Variants in CSMD1 observed in about 807,000 individuals in gnomAD.
CSMD1 encodes the protein CUB and Sushi multiple domains 1.
A neutral mutation model predicts 417.5 loss-of-function variants in CSMD1; 213 were observed. The ratio of observed to expected loss-of-function variants is 0.51; its 90% confidence interval spans 0.46 to 0.57. The LOEUF is 0.57. CSMD1 is among the 20% of genes least tolerant of loss of function. The pLI, the probability that CSMD1 is intolerant of heterozygous loss-of-function variation, is 0.00. For synonymous variants in CSMD1, 2,862 were observed against 1,736.8 expected (o/e 1.65, Z -16.11); for missense variants, 6,923 against 4,529.7 (o/e 1.53, Z -15.17).
At chr8:3,964,420 A>T (rs1191315597) in intron 5 of CSMD1, among the ~76,000 whole-genome samples, 1 of 152,058 alleles carries the variant, frequency 6.6e-6, no homozygotes, top group African/African-American at 2.4e-5. Flanking sequence ...CTGTTTTTTG[A>T]CTGAGGCCTT....
chr8:3,852,401 A>T (rs1312774398), intron 5 of CSMD1, among the ~76,000 whole-genome samples: 1 of 152,180 alleles, frequency 6.6e-6, no homozygotes, highest in African/African-American at 2.4e-5. Context: ...GAGCATGTAC[A>T]GTGAACCACA....
intron 11 of CSMD1, among the ~76,000 whole-genome samples, chr8:3,491,537 T>C (rs895509765): frequency 2.0e-4 from 31 of 152,142 alleles, no homozygotes; most frequent in Non-Finnish European, 4.3e-4. Flanking sequence ...TTAGTAATAG[T>C]TGGAATGGGC....
intron 3 of CSMD1, among the ~76,000 whole-genome samples, chr8:4,270,821 A>T (rs1585132321): frequency 6.6e-6 from 1 of 152,112 alleles, no homozygotes; most frequent in Non-Finnish European, 1.5e-5. Context: ...CCTGCCGCCC[A>T]CCACACTCCG....
chr8:4,054,139 T>C (rs965853631), intron 3 of CSMD1, among the ~76,000 whole-genome samples: 1 of 152,118 alleles, frequency 6.6e-6, no homozygotes, highest in Non-Finnish European at 1.5e-5. Flanking sequence ...CTTTTTTCTA[T>C]GTAAGTACAG....
rs768302058 is a variant in CSMD1, at chr8:4,419,956, C to T, written c.412G>A (p.Glu138Lys). The T allele has an allele frequency of 6.4e-7, 1 of 1,565,880 alleles. No individual in the cohort carries two copies. Among genetic ancestry groups the T allele is most frequent in the Non-Finnish European group, 8.7e-7 (1 of 1,151,144 alleles). Residue 138 changes from glutamate (E) to lysine (K), a missense_variant, in exon 3 of 70, where the codon GAA becomes AAA. Coordinates refer to ENST00000635120, the MANE Select transcript of CSMD1 (RefSeq NM_033225.6). The part of the protein sequence containing the change: ...VSAQGFKALY[E>K]VLPSHTCGNP... ...CAAAACACAACCAATCTCCTACCTT[C>T]ATATAATGCTTTGAAACCTTGGGCA... is the stretch of plus-strand genomic sequence containing the variant.
At chr8:3,986,375 A>G (rs1814321375) in intron 5 of CSMD1, among the ~76,000 whole-genome samples, 1 of 152,062 alleles carries the variant, frequency 6.6e-6, no homozygotes. Context: ...CCCCCAGCCA[A>G]CCTTCCTAAC....
chr8:3,811,627 G>A (rs563606883), intron 5 of CSMD1, among the ~76,000 whole-genome samples: 5 of 152,082 alleles, frequency 3.3e-5, no homozygotes, highest in Admixed American at 1.3e-4. Flanking sequence ...CCCAGGACCA[G>A]GCTCAAGTCA....
At chr8:3,822,427 C>G (rs1458491118) in intron 5 of CSMD1, among the ~76,000 whole-genome samples, 1 of 152,128 alleles carries the variant, frequency 6.6e-6, no homozygotes, top group Non-Finnish European at 1.5e-5. Context: ...GGTTGAATAT[C>G]TAGAAAAAGA....
chr8:4,811,674 A>G (rs1471218035), intron 1 of CSMD1, among the ~76,000 whole-genome samples: 1 of 152,088 alleles, frequency 6.6e-6, no homozygotes, highest in Non-Finnish European at 1.5e-5. Context: ...AATGATTTCT[A>G]TTGGCTCATT....
At chr8:4,255,846 G>C (rs915890079) in intron 3 of CSMD1, among the ~76,000 whole-genome samples, 2 of 152,190 alleles carry the variant, frequency 1.3e-5, no homozygotes, top group African/African-American at 2.4e-5. Flanking sequence ...TATCTTTTAA[G>C]TTTACTTCAC....
At chr8:3,872,573 T>G (rs1249664800) in intron 5 of CSMD1, among the ~76,000 whole-genome samples, 2 of 152,206 alleles carry the variant, frequency 1.3e-5, no homozygotes, top group African/African-American at 4.8e-5. Flanking sequence ...GTTTCAGAAT[T>G]GCTTGATAGA....
intron 1 of CSMD1, among the ~76,000 whole-genome samples, chr8:4,714,934 G>A (rs867669898): frequency 6.6e-6 from 1 of 152,186 alleles, no homozygotes; most frequent in Non-Finnish European, 1.5e-5. Flanking sequence ...TTTGGAAGGT[G>A]TCTAGAGAAT....
chr8:3,685,475 G>A (rs1248425734), intron 7 of CSMD1, among the ~76,000 whole-genome samples: 1 of 152,160 alleles, frequency 6.6e-6, no homozygotes, highest in Non-Finnish European at 1.5e-5. Context: ...TGCAGCCGAA[G>A]GAGATGGGAG....
chr8:3,192,584 G>A (rs1796489651), intron 33 of CSMD1, among the ~76,000 whole-genome samples: 1 of 152,176 alleles, frequency 6.6e-6, no homozygotes, highest in African/African-American at 2.4e-5. Flanking sequence ...TATGTAGCCT[G>A]GAGAGAGGCA....
chr8:4,034,536 G>A (rs985868367), intron 3 of CSMD1, among the ~76,000 whole-genome samples: 1 of 152,072 alleles, frequency 6.6e-6, no homozygotes, highest in African/African-American at 2.4e-5. Flanking sequence ...ACATTTATAA[G>A]GAAGAAAAAC....
intron 3 of CSMD1, among the ~76,000 whole-genome samples, chr8:4,306,948 C>G (rs1041034463): frequency 6.6e-6 from 1 of 152,088 alleles, no homozygotes; most frequent in African/African-American, 2.4e-5. Context: ...TCTGTCGATC[C>G]TACCCCCAAG....
intron 1 of CSMD1, among the ~76,000 whole-genome samples, chr8:4,767,299 T>A (rs151273526): frequency 6.6e-6 from 1 of 152,196 alleles, no homozygotes; most frequent in Non-Finnish European, 1.5e-5. Flanking sequence ...GAGTTGACTA[T>A]CATGGTGATA....
chr8:4,032,058 T>G lies in CSMD1; in HGVS notation c.457A>C (p.Lys153Gln). 2 of 1,613,592 alleles carry G rather than the reference T, an allele frequency of 1.2e-6. No individual in the cohort carries two copies. Among genetic ancestry groups the G allele is most frequent in the South Asian group, 1.1e-5 (1 of 91,020 alleles). ...AATCTCGTTCCATGCAGAACTCCTT[T>G]CAGGATTTCTCCAGGATTTCCACAA... Reference protein sequence around the residue: ...HTCGNPGEILKGVLHGTRFNI... With the variant: ...HTCGNPGEILQGVLHGTRFNI... The change falls in exon 4 of 70, where the codon AAA (lysine) becomes CAA (glutamine). Residue 153 changes from lysine (K) to glutamine (Q), a missense_variant. Coordinates refer to ENST00000635120, the MANE Select transcript of CSMD1 (RefSeq NM_033225.6).
At chr8:3,492,533 G>C (rs144737170) in intron 11 of CSMD1, among the ~76,000 whole-genome samples, 5 of 151,770 alleles carry the variant, frequency 3.3e-5, no homozygotes, top group African/African-American at 1.2e-4. Context: ...GAGTTGCAAA[G>C]GCAGATAAGA....
Sources: allele counts gnomAD v4.1 joint callset (sites outside exome capture counted in the v4.1 genomes callset), GRCh38; gene constraint gnomAD v4.1.1; transcripts MANE v1.5; gene names NCBI Gene and HGNC (gene_info 2026-07-23, HGNC 2026-07-21).